IMMP2L: variants seen among roughly 807,000 people sequenced by gnomAD.
IMMP2L encodes inner mitochondrial membrane peptidase subunit 2, also known as mitochondrial inner membrane protease subunit 2.
A neutral mutation model predicts 19.3 loss-of-function variants in IMMP2L; 18 were observed. That is an observed-to-expected ratio of 0.93 (90% CI 0.64 to 1.38). The LOEUF (loss-of-function observed/expected upper bound fraction) is 1.38. Among genes scored for constraint, IMMP2L ranks in the 40% most tolerant of loss-of-function variants. The pLI is 0.00. For missense variants in IMMP2L, 233 were observed against 218.2 expected (o/e 1.07, Z -0.43); for synonymous variants, 76 against 73.0 (o/e 1.04, Z -0.21).
chr7:111,539,520 T>C (rs1355143555), intron 1 of IMMP2L, among the ~76,000 whole-genome samples: 2 of 152,110 alleles, frequency 1.3e-5, no homozygotes, highest in Admixed American at 6.5e-5. Flanking sequence ...TTTCAGTCTG[T>C]GCTTCATGGT....
At chr7:110,898,011 A>G (rs927753909) in intron 4 of IMMP2L, among the ~76,000 whole-genome samples, 1 of 151,502 alleles carries the variant, frequency 6.6e-6, no homozygotes, top group African/African-American at 2.4e-5. Context: ...AAAAAAGGGA[A>G]GAGCATAGAC....
At chr7:111,040,260 A>G (rs1218934359) in intron 3 of IMMP2L, among the ~76,000 whole-genome samples, 1 of 152,226 alleles carries the variant, frequency 6.6e-6, no homozygotes, top group Non-Finnish European at 1.5e-5. Flanking sequence ...TTTGAAAAGA[A>G]TTTTAGGTTG....
intron 3 of IMMP2L, among the ~76,000 whole-genome samples, chr7:111,092,021 C>G (rs891396531): frequency 1.3e-5 from 2 of 152,196 alleles, no homozygotes; most frequent in Non-Finnish European, 2.9e-5. Context: ...TTTGTCTCAT[C>G]CAGTGGATGC....
intron 3 of IMMP2L, among the ~76,000 whole-genome samples, chr7:111,338,689 A>G (rs1357528421): frequency 1.3e-5 from 2 of 152,080 alleles, no homozygotes; most frequent in African/African-American, 4.8e-5. Flanking sequence ...TTATCATTTC[A>G]CTAACACTTA....
At chr7:111,263,854 T>C (rs1817571184) in intron 3 of IMMP2L, among the ~76,000 whole-genome samples, 1 of 152,164 alleles carries the variant, frequency 6.6e-6, no homozygotes, top group South Asian at 2.1e-4. Context: ...GAAGAAAGAA[T>C]GATCATCTGT....
intron 3 of IMMP2L, among the ~76,000 whole-genome samples, chr7:111,394,239 G>C (rs2131354473): frequency 6.6e-6 from 1 of 152,198 alleles, no homozygotes; most frequent in South Asian, 2.1e-4. Context: ...TCTTAGGTTT[G>C]ATAAATATAT....
At chr7:111,556,537 C>T (rs1223497590) in intron 1 of IMMP2L, among the ~76,000 whole-genome samples, 2 of 152,088 alleles carry the variant, frequency 1.3e-5, no homozygotes, top group African/African-American at 2.4e-5. Flanking sequence ...GCCTCATCTC[C>T]TATTCAGTCC....
chr7:111,510,312 G>C (rs1292132979), intron 2 of IMMP2L, among the ~76,000 whole-genome samples: 2 of 152,072 alleles, frequency 1.3e-5, no homozygotes, highest in Admixed American at 1.3e-4. Context: ...TTTCGAGCTT[G>C]TACATCTACC....
At chr7:110,840,884 T>C (rs1805014212) in intron 5 of IMMP2L, among the ~76,000 whole-genome samples, 1 of 152,092 alleles carries the variant, frequency 6.6e-6, no homozygotes, top group African/African-American at 2.4e-5. Context: ...TTAAGCTCTC[T>C]ATTCTTAATG....
At chr7:110,873,429 C>CAAA (rs60827428) in intron 5 of IMMP2L, among the ~76,000 whole-genome samples, 8,109 of 28,922 alleles carry the variant, frequency 0.28, 1,735 homozygotes, top group East Asian at 0.64. Flanking sequence ...GACTCTATCT[C>CAAA]AAAAAAAAAA....
chr7:110,767,865 C>T (rs770577325), intron 5 of IMMP2L, among the ~76,000 whole-genome samples: 1 of 152,078 alleles, frequency 6.6e-6, no homozygotes, highest in Non-Finnish European at 1.5e-5. Context: ...GTCATAAAGC[C>T]CCTGGCACGG....
At chr7:111,390,656 A>G (rs769788806) in intron 3 of IMMP2L, 10 of 152,100 alleles carry the variant, frequency 6.6e-5, no homozygotes, top group Admixed American at 1.3e-4. Flanking sequence ...TAAACAACAA[A>G]TTTCCCTCTT....
chr7:110,952,654 A>T (rs926377022), intron 4 of IMMP2L, among the ~76,000 whole-genome samples: 1 of 152,114 alleles, frequency 6.6e-6, no homozygotes, highest in African/African-American at 2.4e-5. Flanking sequence ...AGAGGCATGG[A>T]GATGTGGATA....
At chr7:110,815,003 C>A (rs74590499) in intron 5 of IMMP2L, among the ~76,000 whole-genome samples, 1 of 151,916 alleles carries the variant, frequency 6.6e-6, no homozygotes, top group African/African-American at 2.4e-5. Context: ...TGAACTACAA[C>A]GTCTTAACTG....
rs1312786711 is a variant in IMMP2L at position 111,123,706 on chromosome 7, A to C, written c.240-160141T>G. The C allele has an allele frequency of 6.2e-7, 1 of 1,613,818 alleles. No individual in the cohort carries two copies. The highest frequency in any genetic ancestry group is 8.5e-7 in the Non-Finnish European group (1 of 1,179,942). Reference sequence around the variant, plus strand: ...TGCTGTGGATAACCTGCCAGATTTAAGAAAAATAGAAGCTACTAACAACCC... The same window carrying C: ...TGCTGTGGATAACCTGCCAGATTTACGAAAAATAGAAGCTACTAACAACCC... On this transcript the variant is annotated intron_variant, in intron 3 of 5. Transcript: ENST00000405709. This position sits in a 1 kb window ranked among gnomAD's most constrained non-coding sequence, Gnocchi z 6.4.
chr7:111,083,517 AGAG>A (rs1796057064), intron 3 of IMMP2L, among the ~76,000 whole-genome samples: 1 of 152,182 alleles, frequency 6.6e-6, no homozygotes, highest in African/African-American at 2.4e-5. Flanking sequence ...CCCGCAAAGG[AGAG>A]GAGAACGAGG....
chr7:111,108,601 G>C (rs1040310214), intron 3 of IMMP2L, among the ~76,000 whole-genome samples: 4 of 152,076 alleles, frequency 2.6e-5, no homozygotes, highest in Non-Finnish European at 5.9e-5. Flanking sequence ...CATTGGCTTA[G>C]AAGAAATTTA....
intron 3 of IMMP2L, among the ~76,000 whole-genome samples, chr7:111,473,412 C>G (rs1244595816): frequency 1.3e-5 from 2 of 152,190 alleles, no homozygotes; most frequent in Non-Finnish European, 2.9e-5. Context: ...CCAGATGTCA[C>G]TAAGACCTGA....
chr7:110,712,532 C>T (rs1168308281), intron 5 of IMMP2L, among the ~76,000 whole-genome samples: 70 of 26,326 alleles, frequency 2.7e-3, no homozygotes, highest in African/African-American at 0.011. Flanking sequence ...CTGTGGTGGG[C>T]TCCACCCAGT....
Sources: gnomAD v4.1 joint callset for allele counts (sites outside exome capture counted in the v4.1 genomes callset) on GRCh38, gnomAD v4.1.1 for gene constraint, Gnocchi (gnomAD v3.1) non-coding constraint, MANE v1.5 for transcripts, NCBI Gene and HGNC (gene_info 2026-07-23, HGNC 2026-07-21) for gene names.